ZAN: variants seen among roughly 807,000 people sequenced by gnomAD.
ZAN encodes the protein zonadhesin, also known as zonadhesin (gene/pseudogene).
In ZAN, 260 loss-of-function variants were observed where a neutral mutation model predicts 286.2. The ratio of observed to expected loss-of-function variants is 0.91; its 90% CI spans 0.82 to 1.01. The LOEUF is 1.01. ZAN is among the 50% of genes least tolerant of loss of function. The pLI is 0.00. For synonymous variants in ZAN, 1,368 were observed against 1,417.5 expected (o/e 0.97, Z 0.79); for missense variants, 3,410 against 3,639.2 (o/e 0.94, Z 1.62).
chr7:100,788,051 C>A lies in ZAN; in HGVS notation c.7142C>A (p.Pro2381Gln). ...GTGGAAGGACGCAACAAGATGGATC[C>A]GCCCAGGAGCTCCATCTTCTTGCAG... ...LLVEGRNKMD[P>Q]PRSSIFLQEV... is the part of the protein sequence containing the mutation. Residue 2381 changes from proline to glutamine, a missense_variant, in exon 38 of 48, where the codon CCG becomes CAG. Physicochemically the swap from Pro to Gln is moderately conservative, Grantham distance 76. This residue lies in a region of ZAN where 1,289 missense variants were observed against 1,314.3 expected (regional missense o/e 0.98). Transcript: ENST00000613979. 1 of 1,564,886 alleles carries A rather than the reference C, an allele frequency of 6.4e-7. No homozygotes were observed. The highest frequency in any genetic ancestry group is 1.7e-5 in the Admixed American group (1 of 57,272).
intron 35 of ZAN, among the ~76,000 whole-genome samples, chr7:100,780,916 C>G (rs191000653): frequency 6.6e-6 from 1 of 151,480 alleles, no homozygotes; most frequent in African/African-American, 2.4e-5. Flanking sequence ...ATAATGAGAC[C>G]CCCGCATCGC....
intron 2 of ZAN, 83 bp downstream of exon 2, chr7:100,734,304 G>A (rs2131457214): frequency 2.0e-6 from 2 of 996,430 alleles, no homozygotes; most frequent in Admixed American, 2.9e-5. Flanking sequence ...AGCTGGAGGG[G>A]GCGAGCAGGC....
chr7:100,791,041 T>C lies in ZAN; in HGVS notation c.7457T>C (p.Leu2486Pro). The C allele has an allele frequency of 6.2e-7, 1 of 1,613,154 alleles. No individual in the cohort carries two copies. The highest frequency in any genetic ancestry group is 8.5e-7 in the Non-Finnish European group (1 of 1,179,652). Residue 2486 changes from leucine to proline, a missense_variant, in exon 40 of 48, where the codon CTG (leucine) becomes CCG (proline). Transcript: ENST00000613979. ...KNDMMLPSGA[L>P]TQNLNTFGNS... is the part of the protein sequence containing the mutation. ...GACATGATGCTGCCCAGTGGCGCCC[T>C]GACCCAGAACCTCAACACCTTTGGC...
intron 35 of ZAN, among the ~76,000 whole-genome samples, 170 bp downstream of exon 35, chr7:100,779,920 T>C (rs893072661): frequency 6.6e-6 from 1 of 152,118 alleles, no homozygotes; most frequent in Non-Finnish European, 1.5e-5. Context: ...TTTTGCTGGG[T>C]GTGGTGGCTC....
intron 33 of ZAN, 71 bp downstream of exon 33, chr7:100,775,904 G>A: frequency 6.4e-7 from 1 of 1,574,744 alleles, no homozygotes; most frequent in Non-Finnish European, 8.6e-7. Flanking sequence ...CAGGGATGGG[G>A]GGCAGTGTTC....
At chr7:100,783,801 C>CACATATATATATAT (rs1811373125) in intron 35 of ZAN, among the ~76,000 whole-genome samples, 1 of 12,036 alleles carries the variant, frequency 8.3e-5, no homozygotes, top group Admixed American at 1.5e-3. Flanking sequence ...TATATATATA[C>CACATATATATATAT]ACACATATAT....
At position 100,782,862 on chromosome 7, in the gene ZAN, T is replaced by C. The variant is rs886311730; in HGVS notation, c.6623-1761T>C. ...GACTGAGATACCACAATTTATCATA[T>C]ACTAAATTCCCATATATATTTGGAT... is the stretch of plus-strand genomic sequence containing the variant. On this transcript the variant is annotated intron_variant, in intron 35 of 47. Transcript: ENST00000613979. Among the ~76,000 whole-genome samples, 19 of 152,336 alleles carry C rather than the reference T, an allele frequency of 1.2e-4. No individual in the cohort carries two copies. In the East Asian group the frequency reaches 1.3e-3, roughly 11 times the overall value.
chr7:100,749,352 A>G (rs1808446986), intron 11 of ZAN, among the ~76,000 whole-genome samples: 1 of 151,674 alleles, frequency 6.6e-6, no homozygotes, highest in Admixed American at 6.6e-5. Context: ...AAAAATATAT[A>G]AAAAGAGGCT....
chr7:100,788,421 G>A (rs1472009156), intron 38 of ZAN, among the ~76,000 whole-genome samples: 1 of 151,866 alleles, frequency 6.6e-6, no homozygotes, highest in Non-Finnish European at 1.5e-5. Flanking sequence ...ATATGGGGGC[G>A]CACACCTGTA....
In ZAN at chr7:100,768,650, C is replaced by G. The variant is rs370610364; in HGVS notation, c.5082C>G (p.Pro1694=). ...NNNSLDDNLR[P]DRKLAGDSMQ... Reference sequence around the variant, plus strand: ...ACAGCTTGGATGACAACCTGCGCCCCGACAGAAAGCTTGCAGGCGATTCCA... The same window carrying G: ...ACAGCTTGGATGACAACCTGCGCCCGGACAGAAAGCTTGCAGGCGATTCCA... The change falls in exon 27 of 48, where the codon CCC becomes CCG. Residue 1694 remains proline, a synonymous_variant. Transcript: ENST00000613979. The G allele has an allele frequency of 1.7e-5, 28 of 1,610,796 alleles. No individual in the cohort carries two copies. Among genetic ancestry groups the G allele is most frequent in the Middle Eastern group, 1.6e-4 (1 of 6,076 alleles).
chr7:100,739,021 T>C (rs1168903531), intron 7 of ZAN, among the ~76,000 whole-genome samples: 3 of 67,310 alleles, frequency 4.5e-5, no homozygotes, highest in Non-Finnish European at 1.4e-4. Context: ...TTTTTCTTTT[T>C]TTTTTTTTGA....
chr7:100,739,228 T>C (rs1194466871), intron 7 of ZAN, among the ~76,000 whole-genome samples: 1 of 135,542 alleles, frequency 7.4e-6, no homozygotes. Context: ...GCCAGGCTGG[T>C]CTCGAACTCC....
At chr7:100,733,941 T>C (rs1239179123) in intron 1 of ZAN, 86 bp from the exon 2 acceptor site, 1 of 364,046 alleles carries the variant, frequency 2.7e-6, no homozygotes, top group East Asian at 4.2e-5. Flanking sequence ...TTTTTTTCTC[T>C]TCTCTCTAGT....
At chr7:100,797,012 C>G (rs1220068199) in intron 45 of ZAN, among the ~76,000 whole-genome samples, 1 of 152,100 alleles carries the variant, frequency 6.6e-6, no homozygotes, top group East Asian at 1.9e-4. Flanking sequence ...TGGCATGTGC[C>G]CATAGTCCCA....
rs763470601 is a variant in ZAN at position 100,760,418 on chromosome 7, G to C, written c.3724G>C (p.Ala1242Pro). 6.2e-7 allele frequency: 1 copy of C among 1,613,890 alleles called. No homozygotes were observed. Among genetic ancestry groups the C allele is most frequent in the Non-Finnish European group, 8.5e-7 (1 of 1,179,876 alleles). ...LVGGQQVTLP[A>P]IPSKGVFLGA... ...TGGGGGTCAGCAAGTTACTCTCCCA[G>C]CCATACCCTCTAAAGGCGTCTTCCT... The change falls in exon 19 of 48, where the codon GCC becomes CCC. Residue 1242 changes from alanine to proline, a missense_variant. By Grantham distance (27) the Ala-to-Pro change is conservative. This residue lies in a region of ZAN where 1,042 missense variants were observed against 1,058.0 expected (regional missense o/e 0.98). Transcript: ENST00000613979.
intron 16 of ZAN, 61 bp downstream of exon 16, chr7:100,758,404 G>A: frequency 6.3e-7 from 1 of 1,595,112 alleles, no homozygotes; most frequent in Non-Finnish European, 8.6e-7. Flanking sequence ...CGTGACGCCA[G>A]GATCCCAATC....
chr7:100,752,002 C>A lies in ZAN; in HGVS notation c.1897C>A (p.Pro633Thr). 6.2e-7 allele frequency: 1 copy of A among 1,612,626 alleles called. No individual in the cohort carries two copies. Among genetic ancestry groups the A allele is most frequent in the South Asian group, 1.1e-5 (1 of 91,002 alleles). ...SEKPTILTEK[P>T]TIPSEKPTIP... ...AAAACCCACCATCCTCACAGAAAAACCCACCATTCCCTCAGAAAAACCCAC... is the reference window on the plus strand; with the variant it reads ...AAAACCCACCATCCTCACAGAAAAAACCACCATTCCCTCAGAAAAACCCAC... The change falls in exon 14 of 48, where the codon CCC becomes ACC. Residue 633 changes from proline (P) to threonine (T), a missense_variant. By Grantham distance (38) the Pro-to-Thr change is conservative (BLOSUM62 -1). This residue lies in a region of ZAN where 872 missense variants were observed against 938.9 expected (regional missense o/e 0.93). Coordinates refer to ENST00000613979, the MANE Select transcript of ZAN (RefSeq NM_003386.3).
chr7:100,736,458 C>T (rs1450970515), intron 3 of ZAN, 25 bp from the exon 4 acceptor site: 1 of 1,522,684 alleles, frequency 6.6e-7, no homozygotes. Context: ...CTCTCTGAAA[C>T]CTCACTGTGA....
At chr7:100,755,665 G>A (rs1031379001) in intron 15 of ZAN, among the ~76,000 whole-genome samples, 6 of 152,026 alleles carry the variant, frequency 3.9e-5, no homozygotes, top group Non-Finnish European at 7.4e-5. Context: ...TCCACTTCCC[G>A]GGCTCCAGTG....
Sources: gnomAD v4.1 joint callset for allele counts (sites outside exome capture counted in the v4.1 genomes callset) on GRCh38, gnomAD v4.1.1 for gene constraint, gnomAD v4.1.1 regional missense constraint, MANE v1.5 for transcripts, NCBI Gene and HGNC (gene_info 2026-07-23, HGNC 2026-07-21) for gene names.